Variants in DOCK2 observed in about 807,000 individuals in gnomAD.
DOCK2 encodes the protein dedicator of cytokinesis protein 2.
DOCK2 carries 87 observed loss-of-function variants against 248.9 expected under a neutral mutation model. That is an observed-to-expected ratio of 0.35 (90% CI 0.29 to 0.42). The LOEUF (loss-of-function observed/expected upper bound fraction) is 0.42. Among genes scored for constraint, DOCK2 ranks in the 10% least tolerant of loss-of-function variants. The pLI, the probability that DOCK2 is intolerant of heterozygous loss-of-function variation, is 1.00. For synonymous variants in DOCK2, 805 were observed against 821.6 expected (o/e 0.98, Z 0.35); for missense variants, 1,747 against 2,300.2 (o/e 0.76, Z 4.92).
In DOCK2 at chr5:169,684,294, G is replaced by C. The variant is rs1342947672; in HGVS notation, c.705G>C (p.Gly235=). The C allele has an allele frequency of 2.5e-6, 4 of 1,614,002 alleles. No individual in the cohort carries two copies. The highest frequency in any genetic ancestry group is 3.4e-6 in the Non-Finnish European group (4 of 1,180,020). The change falls in exon 8 of 52, where the codon GGG becomes GGC. Residue 235 remains glycine (G), a synonymous_variant. Coordinates refer to ENST00000520908, the MANE Select transcript of DOCK2 (RefSeq NM_004946.3). The part of the protein sequence containing the change: ...VFVRNFVCRI[G]EDAELFMSLY... ...TGAGAAACTTTGTGTGCAGAATTGGGGAAGATGCTGAGCTCTTCATGTCTC... is the reference window on the plus strand; with the variant it reads ...TGAGAAACTTTGTGTGCAGAATTGGCGAAGATGCTGAGCTCTTCATGTCTC...
At chr5:170,050,656 T>C (rs1756881215) in intron 41 of DOCK2, among the ~76,000 whole-genome samples, 1 of 152,240 alleles carries the variant, frequency 6.6e-6, no homozygotes, top group African/African-American at 2.4e-5. Flanking sequence ...AGTGCATGAA[T>C]GTGAGCTAGA....
At chr5:169,866,626 G>A (rs936831704) in intron 27 of DOCK2, among the ~76,000 whole-genome samples, 2 of 152,202 alleles carry the variant, frequency 1.3e-5, no homozygotes, top group Non-Finnish European at 2.9e-5. Flanking sequence ...TGCTAATCCA[G>A]TGAATCTGTG....
At chr5:169,799,191 C>A (rs1561706789) in intron 25 of DOCK2, among the ~76,000 whole-genome samples, 1 of 152,178 alleles carries the variant, frequency 6.6e-6, no homozygotes, top group Non-Finnish European at 1.5e-5. Flanking sequence ...CCCTTTTACC[C>A]AGAGGACTGT....
At position 169,784,974 on chromosome 5, in the gene DOCK2, A is replaced by T. The variant is rs544903876; in HGVS notation, c.2555-18084A>T. Among the ~76,000 whole-genome samples, 6 of 152,362 alleles carry T rather than the reference A, an allele frequency of 3.9e-5. No homozygotes were observed. The South Asian group carries it at 1.2e-3, about 32-fold the overall frequency. ...ACTTGACTGGATTTTGCCCTTTAGA[A>T]AGCTCTAAGCTCTATGAAGATAGAT... On this transcript the variant is annotated intron_variant, in intron 25 of 51. Transcript: ENST00000520908.
intron 26 of DOCK2, among the ~76,000 whole-genome samples, chr5:169,811,655 A>T (rs1360124193): frequency 1.3e-5 from 2 of 152,134 alleles, no homozygotes. Flanking sequence ...ACACTTCCCC[A>T]GCACCTTCTA....
At chr5:169,842,693 G>C (rs931297968) in intron 27 of DOCK2, among the ~76,000 whole-genome samples, 1 of 152,168 alleles carries the variant, frequency 6.6e-6, no homozygotes, top group Non-Finnish European at 1.5e-5. Context: ...TACGTAGCAG[G>C]CTTTTAACTC....
chr5:169,869,150 A>G (rs1029360022), intron 27 of DOCK2, among the ~76,000 whole-genome samples: 24 of 152,182 alleles, frequency 1.6e-4, no homozygotes, highest in African/African-American at 5.5e-4. Flanking sequence ...AGCTCCTCGC[A>G]TCAACCTTCA....
intron 41 of DOCK2, among the ~76,000 whole-genome samples, chr5:170,051,097 G>A (rs1756898763): frequency 6.6e-6 from 1 of 152,234 alleles, no homozygotes; most frequent in Non-Finnish European, 1.5e-5. Context: ...GGAAGGTGAT[G>A]TTTGAGATTA....
chr5:170,082,039 G>A, intron 51 of DOCK2, 55 bp downstream of exon 51: 1 of 1,592,628 alleles, frequency 6.3e-7, no homozygotes, highest in Non-Finnish European at 8.6e-7. Context: ...AAAGGGAAGA[G>A]AGCAATGCAG....
intron 26 of DOCK2, among the ~76,000 whole-genome samples, chr5:169,808,078 C>A (rs1157770575): frequency 1.3e-5 from 2 of 152,036 alleles, no homozygotes; most frequent in Non-Finnish European, 1.5e-5. Flanking sequence ...AAAAAGGCCC[C>A]CAGAGCAAAT....
intron 12 of DOCK2, 85 bp downstream of exon 12, chr5:169,699,543 C>G (rs1760837563): frequency 3.8e-6 from 5 of 1,326,748 alleles, no homozygotes; most frequent in South Asian, 2.7e-5. Context: ...AATCCTGAAC[C>G]CTGGGATACT....
chr5:170,041,020 A>G, intron 36 of DOCK2, 35 bp from the exon 37 acceptor site: 1 of 1,592,326 alleles, frequency 6.3e-7, no homozygotes, highest in Non-Finnish European at 8.6e-7. Context: ...TTTTCACTGC[A>G]CCTGGTAGCT....
chr5:169,921,359 G>T (rs1302475955), intron 27 of DOCK2, among the ~76,000 whole-genome samples: 1 of 152,158 alleles, frequency 6.6e-6, no homozygotes, highest in East Asian at 1.9e-4. Flanking sequence ...CTATGTTATT[G>T]TTCTTTCTCA....
chr5:170,014,637 TG>T (rs373273051), intron 32 of DOCK2, among the ~76,000 whole-genome samples: 28 of 19,798 alleles, frequency 1.4e-3, no homozygotes, highest in African/African-American at 3.6e-3. Flanking sequence ...AGACATGTGT[TG>T]GGGGGGGTAG....
chr5:169,880,265 G>A (rs963182299), intron 27 of DOCK2, among the ~76,000 whole-genome samples: 3 of 152,204 alleles, frequency 2.0e-5, no homozygotes, highest in African/African-American at 7.2e-5. Context: ...AGGAGCTGAT[G>A]GGTTCAATGA....
intron 27 of DOCK2, chr5:169,934,853 T>C (rs1775916756): frequency 5.2e-6 from 2 of 386,812 alleles, no homozygotes; most frequent in African/African-American, 2.1e-5. Flanking sequence ...AAATAAAGCA[T>C]TATACATTGC....
intron 32 of DOCK2, among the ~76,000 whole-genome samples, chr5:170,009,734 G>GT (rs1005536639): frequency 1.3e-5 from 2 of 152,142 alleles, no homozygotes; most frequent in African/African-American, 2.4e-5. Context: ...GTTCCCATGG[G>GT]TTTTTTAGGC....
At chr5:169,750,915 T>C (rs1441612862) in intron 23 of DOCK2, among the ~76,000 whole-genome samples, 1 of 152,226 alleles carries the variant, frequency 6.6e-6, no homozygotes, top group Non-Finnish European at 1.5e-5. Context: ...AGGACTCTTC[T>C]ATAGACTTTG....
chr5:169,817,830 G>A (rs990733049), intron 26 of DOCK2, among the ~76,000 whole-genome samples: 3 of 152,286 alleles, frequency 2.0e-5, no homozygotes, highest in South Asian at 2.1e-4. Context: ...GCCGAACTCC[G>A]AGCAGATACT....
Sources: allele counts gnomAD v4.1 joint callset (sites outside exome capture counted in the v4.1 genomes callset), GRCh38; gene constraint gnomAD v4.1.1; transcripts MANE v1.5; gene names NCBI Gene and HGNC (gene_info 2026-07-23, HGNC 2026-07-21).